PDGFC: variants seen among roughly 807,000 people sequenced by gnomAD.
The protein encoded by PDGFC is platelet derived growth factor C.
Under a neutral mutation model 35.5 loss-of-function variants are expected in PDGFC, and 12 were observed. That is an observed-to-expected ratio of 0.34 (90% CI 0.22 to 0.55). The LOEUF (loss-of-function observed/expected upper bound fraction) is 0.55. Among genes scored for constraint, PDGFC ranks in the 20% least tolerant of loss-of-function variants. PDGFC has a pLI of 0.91. For missense variants in PDGFC, 322 were observed against 412.4 expected (o/e 0.78, Z 1.90); for synonymous variants, 159 against 148.8 (o/e 1.07, Z -0.50).
chr4:156,917,685 T>G (rs985238190), intron 1 of PDGFC, among the ~76,000 whole-genome samples: 1 of 152,228 alleles, frequency 6.6e-6, no homozygotes, highest in African/African-American at 2.4e-5. Context: ...AATATTTATT[T>G]TGCAAAATCT....
In PDGFC at chr4:156,821,838, C is replaced by T. The variant is rs570791359; in HGVS notation, c.315-10821G>A. On this transcript the variant is annotated intron_variant, in intron 2 of 5. Transcript: ENST00000502773. ...TGCTGGGATTATAGGCTTGAGCCACCGTGCCTGGCTGCCAATGTGGATATA... is the reference window on the plus strand; with the variant it reads ...TGCTGGGATTATAGGCTTGAGCCACTGTGCCTGGCTGCCAATGTGGATATA... Among the ~76,000 whole-genome samples, 7 of 152,156 alleles carry T rather than the reference C, an allele frequency of 4.6e-5. No homozygotes were observed. In the East Asian group the frequency reaches 9.7e-4, roughly 21 times the overall value.
At chr4:156,874,707 T>C (rs941973251) in intron 1 of PDGFC, among the ~76,000 whole-genome samples, 1 of 151,878 alleles carries the variant, frequency 6.6e-6, no homozygotes, top group Non-Finnish European at 1.5e-5. Flanking sequence ...CTAAATACAT[T>C]TTCTCTTTTT....
At chr4:156,930,740 C>G (rs565046869) in intron 1 of PDGFC, among the ~76,000 whole-genome samples, 1 of 151,904 alleles carries the variant, frequency 6.6e-6, no homozygotes, top group Non-Finnish European at 1.5e-5. Context: ...TGGTGGTGCA[C>G]GCCTGTAATC....
chr4:156,769,304 C>G (rs1488713435), intron 4 of PDGFC, among the ~76,000 whole-genome samples: 1 of 151,830 alleles, frequency 6.6e-6, no homozygotes, highest in East Asian at 1.9e-4. Flanking sequence ...TTTTAAGTGA[C>G]AAGGTAAGAA....
chr4:156,864,033 A>C (rs1729777766), intron 1 of PDGFC, among the ~76,000 whole-genome samples: 1 of 151,654 alleles, frequency 6.6e-6, no homozygotes, highest in Non-Finnish European at 1.5e-5. Flanking sequence ...GGTTTAGTTC[A>C]TTTGTTTGTT....
At chr4:156,895,537 C>T (rs980552666) in intron 1 of PDGFC, among the ~76,000 whole-genome samples, 13 of 151,518 alleles carry the variant, frequency 8.6e-5, no homozygotes, top group African/African-American at 3.1e-4. Flanking sequence ...GAGGCTGAGG[C>T]AGGAGAATTG....
chr4:156,769,703 T>C (rs1162709558), intron 4 of PDGFC, among the ~76,000 whole-genome samples: 1 of 151,982 alleles, frequency 6.6e-6, no homozygotes, highest in African/African-American at 2.4e-5. Context: ...GGCCAACTTA[T>C]CCCTAATAAA....
Position 156,814,207 on chromosome 4 carries a change from C to T in PDGFC, c.315-3190G>A, listed in dbSNP as rs749051561. 1.3e-4 allele frequency among the ~76,000 whole-genome samples: 20 copies of T among 152,230 alleles called. 1 individual carries two copies. Among genetic ancestry groups the T allele is most frequent in the Middle Eastern group, 3.4e-3 (1 of 294 alleles). ...GTTGGCCACCCTTGCACTTAAGAGG[C>T]AGAGCCGCTGGAGGCTTCATAGAGG... is the stretch of plus-strand genomic sequence containing the variant. On this transcript the variant is annotated intron_variant, in intron 2 of 5. Transcript: ENST00000502773.
intron 5 of PDGFC, among the ~76,000 whole-genome samples, chr4:156,765,524 G>A (rs1280716165): frequency 6.6e-6 from 1 of 152,094 alleles, no homozygotes; most frequent in African/African-American, 2.4e-5. Context: ...AGAGCACTGG[G>A]AACAGGGATT....
chr4:156,825,386 CA>C (rs34775471), intron 2 of PDGFC, among the ~76,000 whole-genome samples: 41,873 of 128,374 alleles, frequency 0.33, 6,390 homozygotes, highest in African/African-American at 0.41. Flanking sequence ...CCGTTTCTAC[CA>C]AAAAAAAAAA....
In PDGFC at chr4:156,971,290, A is replaced by G; in HGVS notation, c.-387T>C. On this transcript the variant is annotated 5_prime_UTR_variant, in exon 1 of 6. Coordinates refer to ENST00000502773, the MANE Select transcript of PDGFC (RefSeq NM_016205.3). ...CACCTGTCAGTTCGGGGGACAGGAC[A>G]GAGGCGAAAACTCAAGGGTTGCCCG... 1 of 409,916 alleles carries G rather than the reference A, an allele frequency of 2.4e-6. No homozygotes were observed. The highest frequency in any genetic ancestry group is 4.3e-6 in the Non-Finnish European group (1 of 232,302). The allele number at this position is 409,916 out of a possible 1,614,324, so 25.4% of individuals were successfully genotyped here.
At position 156,819,477 on chromosome 4, in the gene PDGFC, T is replaced by C. The variant is rs191212491; in HGVS notation, c.315-8460A>G. ...CTCTTAAGAATTATGCTCAGTCTACTCTGCCTATGCTGTATCAATGGAACA... is the reference window on the plus strand; with the variant it reads ...CTCTTAAGAATTATGCTCAGTCTACCCTGCCTATGCTGTATCAATGGAACA... On this transcript the variant is annotated intron_variant, in intron 2 of 5. Coordinates refer to ENST00000502773, the MANE Select transcript of PDGFC (RefSeq NM_016205.3). Among the ~76,000 whole-genome samples, 7 of 152,322 alleles carry C rather than the reference T, an allele frequency of 4.6e-5. No homozygotes were observed. In the East Asian group the frequency reaches 1.4e-3, roughly 29 times the overall value.
intron 1 of PDGFC, among the ~76,000 whole-genome samples, chr4:156,954,479 C>A (rs1472878806): frequency 6.6e-6 from 1 of 151,742 alleles, no homozygotes; most frequent in Non-Finnish European, 1.5e-5. Flanking sequence ...CTAGAAAGAG[C>A]AAAAGGGGAA....
At chr4:156,797,084 A>G (rs990503477) in intron 3 of PDGFC, among the ~76,000 whole-genome samples, 1 of 151,916 alleles carries the variant, frequency 6.6e-6, no homozygotes, top group Non-Finnish European at 1.5e-5. Context: ...AAAAATACGA[A>G]AAGATTAGCT....
intron 2 of PDGFC, among the ~76,000 whole-genome samples, chr4:156,825,160 G>A (rs1732407084): frequency 6.6e-6 from 1 of 152,082 alleles, no homozygotes; most frequent in Admixed American, 6.6e-5. Flanking sequence ...TGCAGGAAAA[G>A]GGTAGGCCCT....
Position 156,786,738 on chromosome 4 carries a change from A to C in PDGFC, c.496-13845T>G, listed in dbSNP as rs1012293491. ...AATCTTTTAGTATAAGTATGGCCCC[A>C]AAATTATAAAATCATTCATTGTTTA... On this transcript the variant is annotated intron_variant, in intron 3 of 5. Coordinates refer to ENST00000502773, the MANE Select transcript of PDGFC (RefSeq NM_016205.3). Among the ~76,000 whole-genome samples, 3 of 152,210 alleles carry C rather than the reference A, an allele frequency of 2.0e-5. No individual in the cohort carries two copies. In the East Asian group the frequency reaches 5.8e-4, roughly 29 times the overall value.
rs543136080 is a variant in PDGFC at position 156,913,479 on chromosome 4, A to T, written c.118+57307T>A. The stretch of plus-strand genomic sequence containing the variant: ...CTGGAACAGTGACAACCAATGAACT[A>T]CGGAATCATGTACTAAGCCAGTTGC... On this transcript the variant is annotated intron_variant, in intron 1 of 5. Transcript: ENST00000502773. 6.6e-5 allele frequency among the ~76,000 whole-genome samples: 10 copies of T among 152,350 alleles called. No individual in the cohort carries two copies. The South Asian group carries it at 2.1e-3, about 32-fold the overall frequency.
chr4:156,941,295 T>C (rs1044455140), intron 1 of PDGFC, among the ~76,000 whole-genome samples: 1 of 152,184 alleles, frequency 6.6e-6, no homozygotes, highest in South Asian at 2.1e-4. Context: ...TTAACATTTT[T>C]TCCCATGCAA....
chr4:156,828,284 C>T (rs10007719), intron 2 of PDGFC, among the ~76,000 whole-genome samples: 65,899 of 151,976 alleles, frequency 0.43, 16,810 homozygotes, highest in African/African-American at 0.71. Flanking sequence ...TTGGGATACA[C>T]CTGACACATG....
Sources: gnomAD v4.1 joint callset for allele counts (sites outside exome capture counted in the v4.1 genomes callset) on GRCh38, gnomAD v4.1.1 for gene constraint, MANE v1.5 for transcripts, NCBI Gene and HGNC (gene_info 2026-07-23, HGNC 2026-07-21) for gene names.